The following PEAK1 variants were observed in gnomAD, a reference collection of about 807,000 sequenced individuals.
PEAK1 encodes pseudopodium enriched atypical kinase 1.
In PEAK1, 54 loss-of-function variants were observed where a neutral mutation model predicts 124.7. That is an observed-to-expected ratio of 0.43 (90% CI 0.35 to 0.54). The LOEUF (loss-of-function observed/expected upper bound fraction) is 0.54, where lower values mean the gene tolerates loss of function less well. PEAK1 is among the 20% of genes least tolerant of loss of function. The pLI is 0.01. For missense variants in PEAK1, 2,046 were observed against 2,134.5 expected, an observed-to-expected ratio of 0.96 and a Z score of 0.82; for synonymous variants, 719 against 760.0, an observed-to-expected ratio of 0.95 and a Z score of 0.89.
intron 1 of PEAK1, chr15:77,371,134 T>C (rs547742044): frequency 1.8e-5 from 17 of 961,982 alleles, no homozygotes; most frequent in Non-Finnish European, 2.0e-5. Flanking sequence ...TTCATATCAT[T>C]AATCAAACCA....
chr15:77,242,972 C>A (rs2060425561), intron 6 of PEAK1, among the ~76,000 whole-genome samples: 1 of 152,186 alleles, frequency 6.6e-6, no homozygotes, highest in Admixed American at 6.5e-5. Context: ...GCATATTCAG[C>A]ATTTGACATC....
chr15:77,207,484 T>C (rs1394374641), intron 6 of PEAK1, among the ~76,000 whole-genome samples: 1 of 152,048 alleles, frequency 6.6e-6, no homozygotes, highest in Non-Finnish European at 1.5e-5. Flanking sequence ...TACTATCTAA[T>C]GACAAAAATG....
rs569827476 is a variant in PEAK1 at position 77,363,928 on chromosome 15, G to A, written c.-603+1235C>T. Among the ~76,000 whole-genome samples the A allele has an allele frequency of 2.3e-4, 35 of 152,286 alleles. 1 individual carries two copies. In the South Asian group the frequency reaches 6.4e-3, roughly 28 times the overall value. On this transcript the variant is annotated intron_variant, in intron 2 of 9. Coordinates refer to ENST00000682557, the MANE Select transcript of PEAK1 (RefSeq NM_001385026.1). ...TTAAGAGTGATGAAAGGCCAGGCAG[G>A]TGGCTCACACCTGTAATCCCAGCAC...
chr15:77,298,502 G>A (rs2063628158), intron 2 of PEAK1, among the ~76,000 whole-genome samples: 1 of 151,978 alleles, frequency 6.6e-6, no homozygotes, highest in South Asian at 2.1e-4. Flanking sequence ...ACAGGCGTGA[G>A]CCACCACGCC....
downstream of PEAK1, chr15:77,105,455 A>C (rs2050741499): frequency 1.3e-5 from 2 of 152,128 alleles, no homozygotes; most frequent in South Asian, 4.2e-4. Flanking sequence ...AGGTTTGCAA[A>C]TTTGAGAGAA....
At chr15:77,188,435 CTAATAA>C (rs1219936876) in intron 6 of PEAK1, among the ~76,000 whole-genome samples, 1 of 152,260 alleles carries the variant, frequency 6.6e-6, no homozygotes, top group East Asian at 1.9e-4. Context: ...TTAACTACTA[CTAATAA>C]TAATTATTAT....
chr15:77,393,011 G>A (rs2070605123), intron 1 of PEAK1, among the ~76,000 whole-genome samples: 1 of 152,212 alleles, frequency 6.6e-6, no homozygotes, highest in South Asian at 2.1e-4. Context: ...CCTCAGTGCT[G>A]CCCTGTCACA....
At chr15:77,403,656 T>C in intron 1 of PEAK1, 18 of 879,928 alleles carry the variant, frequency 2.0e-5, no homozygotes, top group Non-Finnish European at 2.5e-5. Flanking sequence ...ATAAAACACA[T>C]CCCCCTTTAG....
chr15:77,321,368 G>A (rs1431294678), intron 2 of PEAK1, among the ~76,000 whole-genome samples: 2 of 152,224 alleles, frequency 1.3e-5, no homozygotes, highest in Middle Eastern at 3.4e-3. Flanking sequence ...GGTGTGAGAT[G>A]GTATCTCCTT....
chr15:77,102,377 C>T (rs189554005), exon 7 of PEAK1: 1 of 152,252 alleles, frequency 6.6e-6, no homozygotes, highest in Admixed American at 6.5e-5. Context: ...CTGCTGTTTT[C>T]CATGGACAAA....
intron 1 of PEAK1, among the ~76,000 whole-genome samples, chr15:77,415,048 G>T (rs1007314149): frequency 6.6e-6 from 1 of 152,192 alleles, no homozygotes; most frequent in Non-Finnish European, 1.5e-5. Context: ...TACAAACAAG[G>T]AGAGTAACAG....
At chr15:77,132,013 A>T (rs1448182833) in intron 9 of PEAK1, among the ~76,000 whole-genome samples, 1 of 152,120 alleles carries the variant, frequency 6.6e-6, no homozygotes. Flanking sequence ...AGACAGAAAC[A>T]TGCAGTGAAA....
Position 77,335,773 on chromosome 15 carries a change from G to A in PEAK1, c.-603+29390C>T, listed in dbSNP as rs967879655. 3.0e-6 allele frequency: 3 copies of A among 984,600 alleles called. No individual in the cohort carries two copies. In the African/African-American group the frequency reaches 5.2e-5, roughly 17 times the overall value. The allele number at this position is 984,600 out of a possible 1,614,324, so 61.0% of individuals were successfully genotyped here. ...CCCAAAGTGCTCAGATTACAGGTGT[G>A]AGTCACTGTACACAGCCCTCTCACT... On this transcript the variant is annotated intron_variant, in intron 2 of 9. Coordinates refer to ENST00000682557, the MANE Select transcript of PEAK1 (RefSeq NM_001385026.1).
At chr15:77,173,617 C>A (rs1476588311) in intron 7 of PEAK1, among the ~76,000 whole-genome samples, 1 of 152,200 alleles carries the variant, frequency 6.6e-6, no homozygotes. Flanking sequence ...TCCCCATCAA[C>A]CCCACCTCAC....
chr15:77,253,632 T>G (rs966205888), intron 5 of PEAK1, among the ~76,000 whole-genome samples: 3 of 152,226 alleles, frequency 2.0e-5, no homozygotes, highest in African/African-American at 7.2e-5. Flanking sequence ...AATGATATTT[T>G]CATTGGATAT....
At chr15:77,275,305 A>C (rs1224683934) in intron 5 of PEAK1, among the ~76,000 whole-genome samples, 1 of 152,182 alleles carries the variant, frequency 6.6e-6, no homozygotes, top group African/African-American at 2.4e-5. Context: ...TTCCCCCAAA[A>C]CCTATTGAAA....
At chr15:77,391,613 A>T (rs2070465052) in intron 1 of PEAK1, among the ~76,000 whole-genome samples, 1 of 152,168 alleles carries the variant, frequency 6.6e-6, no homozygotes, top group South Asian at 2.1e-4. Flanking sequence ...GGCTCAGGCT[A>T]AGATAACAGT....
chr15:77,181,533 G>C lies in PEAK1; in HGVS notation c.394C>G (p.Pro132Ala). The change falls in exon 7 of 10, where the codon CCT becomes GCT. Residue 132 changes from proline to alanine, a missense_variant. Pro to Ala is a conservative substitution (Grantham distance 27). Transcript: ENST00000682557. ...DDEGISHVPK[P>A]YGNNDSAKKM... is the part of the protein sequence containing the mutation. ...TTTGCACTATCATTATTGCCATAAG[G>C]CTTAGGAACATGGCTAATTCCTTCA... 2 of 1,613,978 alleles carry C rather than the reference G, an allele frequency of 1.2e-6. No individual in the cohort carries two copies. Among genetic ancestry groups the C allele is most frequent in the Non-Finnish European group, 1.7e-6 (2 of 1,180,004 alleles).
chr15:77,151,766 G>A (rs1356761176), intron 8 of PEAK1, among the ~76,000 whole-genome samples: 1 of 152,128 alleles, frequency 6.6e-6, no homozygotes, highest in African/African-American at 2.4e-5. Context: ...ATTAAATAGG[G>A]AATCCTTTCA....
Sources: allele counts gnomAD v4.1 joint callset (sites outside exome capture counted in the v4.1 genomes callset), GRCh38; gene constraint gnomAD v4.1.1; transcripts MANE v1.5; gene names NCBI Gene and HGNC (gene_info 2026-07-23, HGNC 2026-07-21).